DNAH8: variants seen among roughly 807,000 people sequenced by gnomAD.
The protein encoded by DNAH8 is dynein axonemal heavy chain 8, also known as axonemal beta dynein heavy chain 8.
A neutral mutation model predicts 562.1 loss-of-function variants in DNAH8; 382 were observed. That is an observed-to-expected ratio of 0.68 (90% CI 0.63 to 0.74). The LOEUF is 0.74. Ranked by LOEUF, DNAH8 falls within the 30% of genes least tolerant of loss-of-function variation. The pLI, the probability that DNAH8 is intolerant of heterozygous loss-of-function variation, is 0.00. For synonymous variants in DNAH8, 1,881 were observed against 1,919.4 expected, an observed-to-expected ratio of 0.98 and a Z score of 0.52; for missense variants, 5,203 against 5,620.4, an observed-to-expected ratio of 0.93 and a Z score of 2.37.
At chr6:38,828,693 A>G (rs1297191530) in intron 30 of DNAH8, among the ~76,000 whole-genome samples, 1 of 152,224 alleles carries the variant, frequency 6.6e-6, no homozygotes, top group African/African-American at 2.4e-5. Flanking sequence ...ACCATCATCA[A>G]GCAATGTGAG....
At chr6:39,022,089 A>T (rs1766951938) in intron 91 of DNAH8, among the ~76,000 whole-genome samples, 1 of 152,202 alleles carries the variant, frequency 6.6e-6, no homozygotes, top group African/African-American at 2.4e-5. Context: ...TTAAAAGGGA[A>T]TTTTTTAAAA....
At chr6:38,756,823 A>C (rs1245686756) in intron 10 of DNAH8, among the ~76,000 whole-genome samples, 1 of 152,028 alleles carries the variant, frequency 6.6e-6, no homozygotes, top group Non-Finnish European at 1.5e-5. Context: ...TTCCAGCTTC[A>C]TCCATGTCCC....
At chr6:38,982,531 A>T (rs1423148351) in intron 86 of DNAH8, 69 bp downstream of exon 86, 2 of 890,760 alleles carry the variant, frequency 2.2e-6, no homozygotes, top group African/African-American at 3.3e-5. Context: ...CAGTCATTTG[A>T]AGTCTATGAT....
In DNAH8 at chr6:38,872,776, A is replaced by G. The variant is rs551727664; in HGVS notation, c.7231A>G (p.Lys2411Glu). 1 of 1,614,008 alleles carries G rather than the reference A, an allele frequency of 6.2e-7. No individual in the cohort carries two copies. The highest frequency in any genetic ancestry group is 2.2e-5 in the East Asian group (1 of 44,854). ...STLWRKTLKA[K>E]KGENIFLILD... ...TCTGTGGAGAAAAACATTAAAAGCTAAAAAAGGTATACACAAACCTCCTTT... is the reference window on the plus strand; with the variant it reads ...TCTGTGGAGAAAAACATTAAAAGCTGAAAAAGGTATACACAAACCTCCTTT... The change falls in exon 50 of 93, where the codon AAA becomes GAA. Residue 2411 changes from lysine to glutamate, a missense_variant. Lys to Glu is a moderately conservative substitution (Grantham distance 56, BLOSUM62 1). Around this residue, in one of 6 missense-constraint regions of DNAH8, gnomAD observed 8 missense variants for 33.4 expected, o/e 0.24. Coordinates refer to ENST00000327475, the MANE Select transcript of DNAH8 (RefSeq NM_001206927.2).
At chr6:38,995,516 C>T (rs1561956101) in intron 88 of DNAH8, among the ~76,000 whole-genome samples, 1 of 152,194 alleles carries the variant, frequency 6.6e-6, no homozygotes, top group Non-Finnish European at 1.5e-5. Flanking sequence ...ACCATCTGGG[C>T]TCAGTGCTAG....
intron 88 of DNAH8, among the ~76,000 whole-genome samples, chr6:39,000,081 A>G (rs1259598091): frequency 6.6e-6 from 1 of 152,202 alleles, no homozygotes; most frequent in Non-Finnish European, 1.5e-5. Flanking sequence ...TTGAGGTTTA[A>G]TAAAATGCAA....
chr6:38,917,396 A>G lies in DNAH8; in HGVS notation c.10298A>G (p.Glu3433Gly). The G allele has an allele frequency of 6.2e-7, 1 of 1,612,972 alleles. No individual in the cohort carries two copies. The highest frequency in any genetic ancestry group is 8.5e-7 in the Non-Finnish European group (1 of 1,179,376). ...EKSCCKPSWG[E>G]SLKLMSATGF... The stretch of plus-strand genomic sequence containing the variant: ...TCTTGCTGTAAGCCATCATGGGGAG[A>G]GTCATTAAAGGTAAGTAAAATCTAT... The change falls in exon 69 of 93, where the codon GAG becomes GGG. Residue 3433 changes from glutamate to glycine, a missense_variant. Coordinates refer to ENST00000327475, the MANE Select transcript of DNAH8 (RefSeq NM_001206927.2).
intron 33 of DNAH8, among the ~76,000 whole-genome samples, chr6:38,838,659 A>G (rs1319932928): frequency 6.9e-6 from 1 of 143,902 alleles, no homozygotes; most frequent in Non-Finnish European, 1.5e-5. Flanking sequence ...TCGGCCTCCC[A>G]AAGTGCTGGG....
intron 11 of DNAH8, chr6:38,763,406 G>T: frequency 3.5e-6 from 1 of 287,948 alleles, no homozygotes. Context: ...GACAAGAGAG[G>T]GATTGAAAAG....
At chr6:38,971,359 C>G (rs931125950) in intron 82 of DNAH8, among the ~76,000 whole-genome samples, 20 of 152,088 alleles carry the variant, frequency 1.3e-4, no homozygotes, top group Admixed American at 2.6e-4. Context: ...GTGCCTTTTT[C>G]TCTCCCTTCC....
In DNAH8 at chr6:38,961,510, T is replaced by C. The variant is rs569801797; in HGVS notation, c.12451+9990T>C. On this transcript the variant is annotated intron_variant, in intron 82 of 92. Coordinates refer to ENST00000327475, the MANE Select transcript of DNAH8 (RefSeq NM_001206927.2). ...ATAACTTGCAAATAATAACGTGCCT[T>C]CACCAAGTTGGAACACATGGGCAAA... 5.3e-5 allele frequency among the ~76,000 whole-genome samples: 8 copies of C among 152,044 alleles called. No individual in the cohort carries two copies. The South Asian group carries it at 1.5e-3, about 28-fold the overall frequency.
chr6:38,934,391 A>G (rs1301018835), intron 76 of DNAH8, among the ~76,000 whole-genome samples: 2 of 152,014 alleles, frequency 1.3e-5, no homozygotes, highest in African/African-American at 2.4e-5. Flanking sequence ...ACACGCACAG[A>G]AAAAAATCAC....
At position 38,781,264 on chromosome 6, in the gene DNAH8, C is replaced by A; in HGVS notation, c.2150C>A (p.Ser717Tyr). 6.2e-7 allele frequency: 1 copy of A among 1,613,684 alleles called. No individual in the cohort carries two copies. The highest frequency in any genetic ancestry group is 8.5e-7 in the Non-Finnish European group (1 of 1,179,802). ...ELDATKKLYH[S>Y]QKDDPPLARN... is the part of the protein sequence containing the mutation. ...GATTTTTAATTACAGCTTTATCATT[C>A]TCAGAAAGATGACCCCCCTCTTGCT... Residue 717 changes from serine (S) to tyrosine (Y), a missense_variant, in exon 16 of 93, where the codon TCT becomes TAT. Physicochemically the swap from Ser to Tyr is moderately radical, Grantham distance 144. Coordinates refer to ENST00000327475, the MANE Select transcript of DNAH8 (RefSeq NM_001206927.2).
At chr6:38,951,713 A>C (rs1486028839) in intron 82 of DNAH8, among the ~76,000 whole-genome samples, 193 bp downstream of exon 82, 1 of 152,220 alleles carries the variant, frequency 6.6e-6, no homozygotes, top group East Asian at 1.9e-4. Flanking sequence ...TGTTTAGAGA[A>C]GAACATGCTC....
At chr6:38,936,340 C>T (rs1335113053) in intron 77 of DNAH8, 1 of 152,170 alleles carries the variant, frequency 6.6e-6, no homozygotes, top group Non-Finnish European at 1.5e-5. Flanking sequence ...GACAGGTTCT[C>T]CTCTGGGCAG....
chr6:38,885,919 A>G (rs141619627), intron 56 of DNAH8, among the ~76,000 whole-genome samples: 2 of 152,310 alleles, frequency 1.3e-5, no homozygotes, highest in East Asian at 3.9e-4. Flanking sequence ...GTGCTTCATG[A>G]GGACAGAAAA....
chr6:38,908,911 C>CAT (rs933895433), intron 64 of DNAH8, among the ~76,000 whole-genome samples: 1 of 152,130 alleles, frequency 6.6e-6, no homozygotes, highest in African/African-American at 2.4e-5. Flanking sequence ...CACTGGAAAG[C>CAT]ATATATATAA....
At chr6:38,875,281 A>G (rs1353968731) in intron 52 of DNAH8, among the ~76,000 whole-genome samples, 1 of 152,216 alleles carries the variant, frequency 6.6e-6, no homozygotes, top group African/African-American at 2.4e-5. Context: ...AGCTGCTTAC[A>G]TCGAGTCTAG....
intron 53 of DNAH8, among the ~76,000 whole-genome samples, chr6:38,881,154 A>G (rs1027619939): frequency 6.6e-6 from 1 of 152,220 alleles, no homozygotes; most frequent in African/African-American, 2.4e-5. Flanking sequence ...CTCATATGCT[A>G]CAGAATGGCA....
Sources: gnomAD v4.1 joint callset for allele counts (sites outside exome capture counted in the v4.1 genomes callset) on GRCh38, gnomAD v4.1.1 for gene constraint, gnomAD v4.1.1 regional missense constraint, MANE v1.5 for transcripts, NCBI Gene and HGNC (gene_info 2026-07-23, HGNC 2026-07-21) for gene names.